EXOG: variants seen among roughly 807,000 people sequenced by gnomAD.
The protein encoded by EXOG is exo/endonuclease G.
EXOG carries 27 observed loss-of-function variants against 25.8 expected under a neutral mutation model. The ratio of observed to expected loss-of-function variants is 1.05; its 90% confidence interval spans 0.77 to 1.45. The LOEUF is 1.45. Among genes scored for constraint, EXOG ranks in the 40% most tolerant of loss-of-function variants. EXOG has a pLI of 0.00. For missense variants in EXOG, 458 were observed against 450.5 expected (o/e 1.02, Z -0.15); for synonymous variants, 133 against 167.0 (o/e 0.80, Z 1.57).
At chr3:38,509,089 GA>G (rs917848492) in intron 5 of EXOG, among the ~76,000 whole-genome samples, 1 of 151,894 alleles carries the variant, frequency 6.6e-6, no homozygotes, top group African/African-American at 2.4e-5. Flanking sequence ...AGTCTTAGGA[GA>G]AAAAAAGGCT....
chr3:38,517,337 C>G (rs2060576765), intron 5 of EXOG, among the ~76,000 whole-genome samples: 1 of 152,218 alleles, frequency 6.6e-6, no homozygotes, highest in Admixed American at 6.5e-5. Flanking sequence ...CCAGATTTAG[C>G]CAGTGGGAGC....
Sources: gnomAD v4.1 joint callset for allele counts (sites outside exome capture counted in the v4.1 genomes callset) on GRCh38, gnomAD v4.1.1 for gene constraint, MANE v1.5 for transcripts, NCBI Gene and HGNC (gene_info 2026-07-23, HGNC 2026-07-21) for gene names.